CREBL2: variants seen among roughly 807,000 people sequenced by gnomAD.
The protein encoded by CREBL2 is cAMP responsive element binding protein like 2.
CREBL2 carries 4 observed loss-of-function variants against 19.5 expected under a neutral mutation model. The observed-to-expected ratio is 0.20, with a 90% confidence interval of 0.10 to 0.47. The LOEUF is 0.47. Among genes scored for constraint, CREBL2 ranks in the 20% least tolerant of loss-of-function variants. CREBL2 has a pLI of 0.98. For synonymous variants in CREBL2, 42 were observed against 46.6 expected (o/e 0.90, Z 0.40); for missense variants, 85 against 145.1 (o/e 0.59, Z 2.13).
chr12:12,637,748 G>A (rs778731821), intron 3 of CREBL2, 34 bp downstream of exon 3: 2 of 1,582,480 alleles, frequency 1.3e-6, no homozygotes, highest in East Asian at 4.5e-5. Flanking sequence ...TTATATTTAA[G>A]AGAGTGTCTC....
At chr12:12,624,000 C>T (rs1034331729) in intron 1 of CREBL2, among the ~76,000 whole-genome samples, 1 of 152,142 alleles carries the variant, frequency 6.6e-6, no homozygotes, top group Non-Finnish European at 1.5e-5. Flanking sequence ...TGGATTCTTC[C>T]CCATGACCTC....
At chr12:12,620,449 C>G (rs1350003480) in intron 1 of CREBL2, among the ~76,000 whole-genome samples, 1 of 152,054 alleles carries the variant, frequency 6.6e-6, no homozygotes, top group Non-Finnish European at 1.5e-5. Flanking sequence ...AGGCTGGTTT[C>G]AGACTCCCAA....
At chr12:12,617,837 C>T (rs1187984407) in intron 1 of CREBL2, among the ~76,000 whole-genome samples, 1 of 150,666 alleles carries the variant, frequency 6.6e-6, no homozygotes, top group African/African-American at 2.4e-5. Context: ...TGTTTGTGTC[C>T]CTGGGTACTT....
chr12:12,617,604 A>G (rs548532969), intron 1 of CREBL2, among the ~76,000 whole-genome samples: 2 of 125,996 alleles, frequency 1.6e-5, no homozygotes, highest in South Asian at 5.4e-4. Flanking sequence ...GTGCTTTACT[A>G]CGGTGCAGTA....
At chr12:12,617,581 A>G (rs1945319957) in intron 1 of CREBL2, among the ~76,000 whole-genome samples, 1 of 142,824 alleles carries the variant, frequency 7.0e-6, no homozygotes, top group African/African-American at 2.6e-5. Flanking sequence ...ATATTACCTA[A>G]CAGTGATTCC....
chr12:12,641,244 A>ATTTTTTTTTTTTTT (rs1566116871), intron 3 of CREBL2, among the ~76,000 whole-genome samples: 5 of 15,584 alleles, frequency 3.2e-4, no homozygotes, highest in East Asian at 2.4e-3. Flanking sequence ...TATTATTATT[A>ATTTTTTTTTTTTTT]TTATTATTAT....
At chr12:12,638,612 T>G (rs917354080) in intron 3 of CREBL2, among the ~76,000 whole-genome samples, 2 of 152,050 alleles carry the variant, frequency 1.3e-5, no homozygotes, top group African/African-American at 4.8e-5. Flanking sequence ...TTATTTGTAT[T>G]TTGATTTACA....
intron 1 of CREBL2, chr12:12,615,495 CCTT>C (rs893514141): frequency 6.6e-5 from 10 of 152,046 alleles, no homozygotes; most frequent in Admixed American, 2.6e-4. Context: ...AAAATATCAA[CCTT>C]CTTTTTTTTT....
chr12:12,627,537 T>C (rs1036968128), intron 1 of CREBL2, among the ~76,000 whole-genome samples: 1 of 152,212 alleles, frequency 6.6e-6, no homozygotes, highest in Non-Finnish European at 1.5e-5. Flanking sequence ...CTATCAGTGT[T>C]GTACCGTGTG....
chr12:12,614,752 C>T (rs1656815071), intron 1 of CREBL2: 2 of 331,942 alleles, frequency 6.0e-6, no homozygotes, highest in Non-Finnish European at 1.2e-5. Context: ...CATTAATTCT[C>T]TTGGCAAGAA....
chr12:12,635,794 A>G lies in CREBL2; in HGVS notation c.33A>G (p.Val11=). 6.2e-7 allele frequency: 1 copy of G among 1,611,710 alleles called. No individual in the cohort carries two copies. Among genetic ancestry groups the G allele is most frequent in the Non-Finnish European group, 8.5e-7 (1 of 1,178,758 alleles). The change falls in exon 2 of 4, where the codon GTA becomes GTG. Residue 11 remains valine (V), a synonymous_variant. Transcript: ENST00000228865. MDDSKVVGGK[V]KKPGKRGRKP... ...TGCTGAAGGTGGTTGGAGGCAAAGT[A>G]AAGAAGCCCGGTAAACGTGGTCGGA...
At chr12:12,627,616 A>C (rs551012995) in intron 1 of CREBL2, among the ~76,000 whole-genome samples, 1 of 152,216 alleles carries the variant, frequency 6.6e-6, no homozygotes, top group African/African-American at 2.4e-5. Flanking sequence ...TTTGTTATCT[A>C]TTCATCAGTT....
chr12:12,614,380 A>G (rs890889672), intron 1 of CREBL2: 2 of 152,948 alleles, frequency 1.3e-5, no homozygotes, highest in African/African-American at 4.8e-5. Flanking sequence ...ATTCATAGGG[A>G]ATAAGTTCTA....
chr12:12,641,250 AT>A (rs1248375488), intron 3 of CREBL2, among the ~76,000 whole-genome samples: 6 of 58,020 alleles, frequency 1.0e-4, no homozygotes, highest in African/African-American at 3.7e-4. Context: ...TATTATTATT[AT>A]TATTTTTTTT....
intron 1 of CREBL2, among the ~76,000 whole-genome samples, chr12:12,617,292 A>T (rs1945317908): frequency 6.6e-6 from 1 of 152,230 alleles, no homozygotes; most frequent in Admixed American, 6.5e-5. Context: ...TTACAATGGC[A>T]AATGAGAGAA....
Position 12,623,099 on chromosome 12 carries a change from CTTTTTT to C in CREBL2, c.15+10925_15+10930del, listed in dbSNP as rs5796501. On this transcript the variant is annotated intron_variant, in intron 1 of 3. Coordinates refer to ENST00000228865, the MANE Select transcript of CREBL2 (RefSeq NM_001310.4). ...AGGGAGCATTTCTTTGTAACAACTT[CTTTTTT>C]TTTTTTTTTTTTGTAACAACTTCTT... Among the ~76,000 whole-genome samples, 112 of 117,682 alleles carry C rather than the reference CTTTTTT, an allele frequency of 9.5e-4. 1 individual carries two copies. Among genetic ancestry groups the C allele is most frequent in the Middle Eastern group, 8.8e-3 (2 of 228 alleles). 77.2% of individuals were successfully genotyped at this position (117,682 alleles called of 152,430 possible).
intron 1 of CREBL2, among the ~76,000 whole-genome samples, chr12:12,624,193 G>T (rs1413508057): frequency 3.9e-5 from 6 of 152,154 alleles, no homozygotes; most frequent in Non-Finnish European, 7.4e-5. Context: ...TGAACTCGAG[G>T]GTGACATGGC....
rs1436189583 is a variant in CREBL2, at chr12:12,643,847, A to G, written c.*1849A>G. 2.6e-5 allele frequency: 4 copies of G among 152,664 alleles called. No homozygotes were observed. The highest frequency in any genetic ancestry group is 2.6e-4 in the Admixed American group (4 of 15,292). The allele number at this position is 152,664 out of a possible 1,614,324, so 9.5% of individuals were successfully genotyped here. A position where few individuals can be genotyped will look rare whatever the true frequency, so the allele number is the denominator to read the frequency against. On this transcript the variant is annotated 3_prime_UTR_variant, in exon 4 of 4. Transcript: ENST00000228865. Reference sequence around the variant, plus strand: ...CCTTCAGAATTTAAGGGTTTTAAATATAGCATTCAGATTGTAATTGGTATG... The same window carrying G: ...CCTTCAGAATTTAAGGGTTTTAAATGTAGCATTCAGATTGTAATTGGTATG...
At chr12:12,639,163 C>T (rs1358539949) in intron 3 of CREBL2, among the ~76,000 whole-genome samples, 1 of 152,152 alleles carries the variant, frequency 6.6e-6, no homozygotes, top group East Asian at 1.9e-4. Flanking sequence ...TTTAATTCCT[C>T]TTTATGGTCA....
Sources: allele counts gnomAD v4.1 joint callset (sites outside exome capture counted in the v4.1 genomes callset), GRCh38; gene constraint gnomAD v4.1.1; transcripts MANE v1.5; gene names NCBI Gene and HGNC (gene_info 2026-07-23, HGNC 2026-07-21).